ATRN: variants seen among roughly 807,000 people sequenced by gnomAD.
ATRN encodes attractin-2.
A neutral mutation model predicts 178.7 loss-of-function variants in ATRN; 54 were observed. That is an observed-to-expected ratio of 0.30 (90% confidence interval 0.24 to 0.38). ATRN has a LOEUF of 0.38. Ranked by LOEUF, ATRN falls within the 10% of genes least tolerant of loss-of-function variation. ATRN has a pLI of 1.00. For synonymous variants in ATRN, 636 were observed against 663.0 expected (o/e 0.96, Z 0.63); for missense variants, 1,443 against 1,815.1 (o/e 0.79, Z 3.73).
At chr20:3,616,097 T>G (rs775763319) in intron 24 of ATRN, 8 of 171,098 alleles carry the variant, frequency 4.7e-5, no homozygotes, top group Non-Finnish European at 7.5e-5. Context: ...AGTCCCCTGC[T>G]TTTCAGCTTT....
intron 12 of ATRN, 110 bp from the exon 13 acceptor site, chr20:3,575,717 C>T (rs2086198850): frequency 8.1e-7 from 1 of 1,231,038 alleles, no homozygotes; most frequent in Admixed American, 2.3e-5. Flanking sequence ...CTGCCAGTTT[C>T]ATTCTTCATT....
At chr20:3,482,033 T>C (rs1200151657) in intron 1 of ATRN, among the ~76,000 whole-genome samples, 1 of 151,882 alleles carries the variant, frequency 6.6e-6, no homozygotes, top group Non-Finnish European at 1.5e-5. Flanking sequence ...TTCACAAAAA[T>C]GTATAATCTT....
At position 3,578,651 on chromosome 20, in the gene ATRN, A is replaced by G. The variant is rs373140652; in HGVS notation, c.2423A>G (p.Asn808Ser). The change falls in exon 15 of 29, where the codon AAT (asparagine) becomes AGT (serine). Residue 808 changes from asparagine to serine, a missense_variant. Asn to Ser is a conservative substitution (Grantham distance 46, BLOSUM62 1). This residue lies in a region of ATRN where 212 missense variants were observed against 330.7 expected (regional missense o/e 0.64). Transcript: ENST00000262919. Reference sequence around the variant, plus strand: ...TTGAAAATTACTACTGCCAAGGAGAATTATGACAATGCTAAATTGTTCTGT... The same window carrying G: ...TTGAAAATTACTACTGCCAAGGAGAGTTATGACAATGCTAAATTGTTCTGT... Reference protein sequence around the residue: ...SCLKITTAKENYDNAKLFCRN... With the variant: ...SCLKITTAKESYDNAKLFCRN... The G allele has an allele frequency of 5.6e-6, 9 of 1,613,982 alleles. No individual in the cohort carries two copies. The highest frequency in any genetic ancestry group is 5.3e-5 in the African/African-American group (4 of 74,942).
intron 1 of ATRN, among the ~76,000 whole-genome samples, chr20:3,524,854 C>T (rs773760494): frequency 5.3e-5 from 8 of 152,088 alleles, no homozygotes; most frequent in African/African-American, 9.7e-5. Context: ...TTCTTTGAAA[C>T]CAGTGAGAAC....
chr20:3,640,713 C>T (rs2087060933), intron 27 of ATRN, among the ~76,000 whole-genome samples: 1 of 152,136 alleles, frequency 6.6e-6, no homozygotes, highest in Admixed American at 6.5e-5. Context: ...TACCACTATT[C>T]CCCCCAGAAT....
intron 1 of ATRN, among the ~76,000 whole-genome samples, chr20:3,506,329 A>G (rs1483040109): frequency 1.3e-5 from 2 of 152,192 alleles, no homozygotes; most frequent in Non-Finnish European, 2.9e-5. Flanking sequence ...AAGACATTAA[A>G]AGTAAATGCA....
chr20:3,487,356 G>A (rs1343676654), intron 1 of ATRN, among the ~76,000 whole-genome samples: 4 of 151,912 alleles, frequency 2.6e-5, no homozygotes, highest in South Asian at 2.1e-4. Context: ...CCTTAGCCTC[G>A]CGAGTAGCTG....
At chr20:3,516,359 T>C (rs2085206545) in intron 1 of ATRN, among the ~76,000 whole-genome samples, 1 of 152,140 alleles carries the variant, frequency 6.6e-6, no homozygotes, top group East Asian at 1.9e-4. Flanking sequence ...TCTCCAGGTT[T>C]AGAGTTGCCA....
intron 11 of ATRN, among the ~76,000 whole-genome samples, chr20:3,565,819 A>AG (rs1179929223): frequency 2.7e-5 from 4 of 148,772 alleles, no homozygotes; most frequent in African/African-American, 9.9e-5. Flanking sequence ...AAAAAAAAAA[A>AG]AGAGAAAAGT....
rs1420545191 is a variant in ATRN, at chr20:3,562,440, G to T, written c.1612G>T (p.Asp538Tyr). The T allele has an allele frequency of 6.2e-7, 1 of 1,614,116 alleles. No individual in the cohort carries two copies. The highest frequency in any genetic ancestry group is 8.5e-7 in the Non-Finnish European group (1 of 1,180,000). The change falls in exon 9 of 29, where the codon GAT (aspartate) becomes TAT (tyrosine). Residue 538 changes from aspartate (D) to tyrosine (Y), a missense_variant. Physicochemically the swap from Asp to Tyr is radical, Grantham distance 160. This residue lies in a region of ATRN where 862 missense variants were observed against 972.1 expected (regional missense o/e 0.89). Transcript: ENST00000262919. ...YRLADDLYRY[D>Y]VDTQMWTILK... is the part of the protein sequence containing the mutation. ...GCTTGCAGATGATCTCTACCGATAT[G>T]ATGTGGATACCCAGATGTGGTGGGT...
chr20:3,531,761 T>G (rs888815206), intron 1 of ATRN, among the ~76,000 whole-genome samples: 3 of 152,112 alleles, frequency 2.0e-5, no homozygotes, highest in South Asian at 4.1e-4. Context: ...TTTACCTTGG[T>G]CAAGGGTGGG....
Position 3,594,471 on chromosome 20 carries a change from C to G in ATRN, c.3323-8C>G, listed in dbSNP as rs757818135. 1 of 1,594,530 alleles carries G rather than the reference C, an allele frequency of 6.3e-7. No individual in the cohort carries two copies. The highest frequency in any genetic ancestry group is 8.6e-7 in the Non-Finnish European group (1 of 1,167,578). ...GTTGTGACCTCTGTTCCTTTTTCTT[C>G]TCTGCAGCATGCAAGTGCAATGGGC... is the stretch of plus-strand genomic sequence containing the variant. On this transcript the variant is annotated splice_region_variant and splice_polypyrimidine_tract_variant and intron_variant, in intron 19 of 28. Transcript: ENST00000262919.
At chr20:3,594,359 C>G in intron 19 of ATRN, 120 bp from the exon 20 acceptor site, 1 of 661,248 alleles carries the variant, frequency 1.5e-6, no homozygotes, top group East Asian at 2.9e-5. Flanking sequence ...AATGCTCGTA[C>G]TTTAATCTGT....
intron 1 of ATRN, among the ~76,000 whole-genome samples, chr20:3,484,802 T>C (rs975319421): frequency 6.6e-6 from 1 of 151,990 alleles, no homozygotes; most frequent in Admixed American, 6.6e-5. Context: ...TTCTTATAGC[T>C]TTTTTCAAAT....
chr20:3,581,615 C>T (rs1416896703), intron 15 of ATRN, among the ~76,000 whole-genome samples: 2 of 150,966 alleles, frequency 1.3e-5, no homozygotes, highest in Non-Finnish European at 2.9e-5. Context: ...GAACATTTTC[C>T]TTCAGCATCC....
chr20:3,517,507 T>C (rs1195425028), intron 1 of ATRN, among the ~76,000 whole-genome samples: 1 of 151,574 alleles, frequency 6.6e-6, no homozygotes, highest in Admixed American at 6.6e-5. Flanking sequence ...GAAAAGCCTT[T>C]TAAAAATTAA....
intron 1 of ATRN, among the ~76,000 whole-genome samples, chr20:3,517,352 C>T (rs546861697): frequency 5.3e-5 from 8 of 152,148 alleles, no homozygotes; most frequent in Admixed American, 2.6e-4. Context: ...CTAAGCCATA[C>T]ACCAAAGTGC....
At chr20:3,512,469 A>G (rs1398228636) in intron 1 of ATRN, among the ~76,000 whole-genome samples, 5 of 152,072 alleles carry the variant, frequency 3.3e-5, no homozygotes, top group Admixed American at 6.5e-5. Context: ...AGTATTCCAC[A>G]GTGTATATGT....
intron 24 of ATRN, among the ~76,000 whole-genome samples, chr20:3,610,079 C>G (rs2086740968): frequency 6.6e-6 from 1 of 152,124 alleles, no homozygotes; most frequent in South Asian, 2.1e-4. Flanking sequence ...ATTATTGCCA[C>G]TGATTTGTAC....
Sources: allele counts gnomAD v4.1 joint callset (sites outside exome capture counted in the v4.1 genomes callset), GRCh38; gene constraint gnomAD v4.1.1; regional missense constraint gnomAD v4.1.1; transcripts MANE v1.5; gene names NCBI Gene and HGNC (gene_info 2026-07-23, HGNC 2026-07-21).